Variants in LIPH observed in about 807,000 individuals in gnomAD.
LIPH encodes the protein lipase member H.
In LIPH, 32 loss-of-function variants were observed where a neutral mutation model predicts 47.6. The ratio of observed to expected loss-of-function variants is 0.67; its 90% CI spans 0.51 to 0.90. The LOEUF (loss-of-function observed/expected upper bound fraction) is 0.90. LIPH is among the 40% of genes least tolerant of loss of function. The pLI, the probability that LIPH is intolerant of heterozygous loss-of-function variation, is 0.00. For missense variants in LIPH, 497 were observed against 541.4 expected (o/e 0.92, Z 0.81); for synonymous variants, 190 against 195.6 (o/e 0.97, Z 0.24).
At chr3:185,531,231 G>A (rs1720320902) in intron 3 of LIPH, among the ~76,000 whole-genome samples, 1 of 152,156 alleles carries the variant, frequency 6.6e-6, no homozygotes, top group South Asian at 2.1e-4. Flanking sequence ...ATAAAATGGA[G>A]GTAGAATTAA....
rs58962402 is a variant in LIPH, at chr3:185,506,830, TAAAAAAAAAAAAAA to T, written c.*1946_*1959del. ...CTGGGTAACAGAAGGAGACTCCATC[TAAAAAAAAAAAAAA>T]AAAAAAAAAAAAAAAACCAGGGCCT... On this transcript the variant is annotated 3_prime_UTR_variant, in exon 10 of 10. Transcript: ENST00000296252. 3 of 50,100 alleles carry T rather than the reference TAAAAAAAAAAAAAA, an allele frequency of 6.0e-5. No individual in the cohort carries two copies. In the Admixed American group the frequency reaches 9.6e-4, roughly 16 times the overall value. 3.1% of individuals were successfully genotyped at this position (50,100 alleles called of 1,614,324 possible).
chr3:185,519,297 A>G lies in LIPH; in HGVS notation c.731T>C (p.Phe244Ser). Residue 244 changes from phenylalanine to serine, a missense_variant, in exon 6 of 10, where the codon TTT (phenylalanine) becomes TCT (serine). Phe to Ser is a radical substitution (Grantham distance 155). Transcript: ENST00000296252. Reference sequence around the variant, plus strand: ...TACAGACCTCTGGTGGTCACATTTAAAATACTGAAATCCTTGGTTGTAAAA... The same window carrying G: ...TACAGACCTCTGGTGGTCACATTTAGAATACTGAAATCCTTGGTTGTAAAA... The part of the protein sequence containing the change: ...PKTILGGFQY[F>S]KCDHQRSVYL... 2 of 1,612,270 alleles carry G rather than the reference A, an allele frequency of 1.2e-6. No individual in the cohort carries two copies. The highest frequency in any genetic ancestry group is 3.3e-5 in the Admixed American group (2 of 60,024).
At chr3:185,510,149 A>T (rs1159524440) in intron 9 of LIPH, among the ~76,000 whole-genome samples, 1 of 152,080 alleles carries the variant, frequency 6.6e-6, no homozygotes, top group African/African-American at 2.4e-5. Flanking sequence ...GGGTTTCACC[A>T]CATTGGCCAG....
Position 185,519,227 on chromosome 3 carries a change from C to T in LIPH, c.801G>A (p.Ala267=), listed in dbSNP as rs747799537. 4.1e-5 allele frequency: 66 copies of T among 1,612,304 alleles called. No individual in the cohort carries two copies. The highest frequency in any genetic ancestry group is 7.7e-5 in the South Asian group (7 of 91,052). Residue 267 remains alanine, a synonymous_variant, in exon 6 of 10, where the codon GCG becomes GCA. Coordinates refer to ENST00000296252, the MANE Select transcript of LIPH (RefSeq NM_139248.3). Reference sequence around the variant, plus strand: ...AATCCTGGTAGGAGTCACAGGGATACGCAGTGATGGTGCAGCTCTCTCTCA... The same window carrying T: ...AATCCTGGTAGGAGTCACAGGGATATGCAGTGATGGTGCAGCTCTCTCTCA... ...SSLRESCTIT[A]YPCDSYQDYR... is the part of the protein sequence containing the mutation.
At chr3:185,533,532 G>T in intron 3 of LIPH, 39 bp downstream of exon 3, 1 of 1,371,586 alleles carries the variant, frequency 7.3e-7, no homozygotes, top group Non-Finnish European at 1.0e-6. Context: ...TGAACACCCT[G>T]CCCAGGCTAC....
intron 9 of LIPH, among the ~76,000 whole-genome samples, chr3:185,510,783 C>T (rs533992952): frequency 3.3e-5 from 5 of 152,108 alleles, no homozygotes; most frequent in Non-Finnish European, 7.4e-5. Context: ...GGTGGACGTG[C>T]CTGTGGTCAA....
At position 185,533,523 on chromosome 3, in the gene LIPH, G is replaced by T. The variant is rs201525327; in HGVS notation, c.526+48C>A. The T allele has an allele frequency of 4.8e-6, 6 of 1,259,984 alleles. No individual in the cohort carries two copies. The East Asian group carries it at 1.2e-4, about 24-fold the overall frequency. 78.1% of individuals were successfully genotyped at this position (1,259,984 alleles called of 1,614,324 possible). A position where few individuals can be genotyped will look rare whatever the true frequency, so the allele number is the denominator to read the frequency against. On this transcript the variant is annotated intron_variant, in intron 3 of 9. Coordinates refer to ENST00000296252, the MANE Select transcript of LIPH (RefSeq NM_139248.3). ...TTGGCCTACATAATACTCCCCCAGT[G>T]AACACCCTGCCCAGGCTACCAACCC...
At chr3:185,546,373 T>C (rs1409591030) in intron 1 of LIPH, among the ~76,000 whole-genome samples, 1 of 131,338 alleles carries the variant, frequency 7.6e-6, no homozygotes, top group African/African-American at 2.8e-5. Flanking sequence ...AAAAAAAAAA[T>C]TCTAAAGCTG....
At position 185,506,522 on chromosome 3, in the gene LIPH, G is replaced by C. The variant is rs543816641; in HGVS notation, c.*2268C>G. The C allele has an allele frequency of 1.3e-5, 2 of 152,238 alleles. No homozygotes were observed. The highest frequency in any genetic ancestry group is 4.8e-5 in the African/African-American group (2 of 41,550). The allele number at this position is 152,238 out of a possible 1,614,324, so 9.4% of individuals were successfully genotyped here. On this transcript the variant is annotated 3_prime_UTR_variant, in exon 10 of 10. Coordinates refer to ENST00000296252, the MANE Select transcript of LIPH (RefSeq NM_139248.3). ...AAGAGAACAAAAAAGTGACTGTGCT[G>C]ATCAAAACACAGACCAATAAAACTA...
intron 6 of LIPH, among the ~76,000 whole-genome samples, chr3:185,518,506 T>C (rs1219208409): frequency 6.6e-6 from 1 of 151,888 alleles, no homozygotes; most frequent in African/African-American, 2.4e-5. Flanking sequence ...GGTCTCAAAC[T>C]CCTGACCTTG....
At chr3:185,520,258 C>T (rs1469547715) in intron 5 of LIPH, among the ~76,000 whole-genome samples, 18 of 152,118 alleles carry the variant, frequency 1.2e-4, no homozygotes, top group African/African-American at 3.4e-4. Context: ...TGGTGGCTCA[C>T]GCCTATAATC....
rs73175523 is a variant in LIPH at position 185,519,343 on chromosome 3, C to T, written c.719-34G>A. The T allele has an allele frequency of 2.2e-3, 3,274 of 1,457,220 alleles. 10 individuals carry two copies. The highest frequency in any genetic ancestry group is 2.9e-3 in the Non-Finnish European group (2,969 of 1,038,206). 90.3% of individuals were successfully genotyped at this position (1,457,220 alleles called of 1,614,324 possible). The stretch of plus-strand genomic sequence containing the variant: ...TAAAAGAAGTGATGAAAGAGTAGAG[C>T]GGTTGAAGCATTTAGTAATACTATA... On this transcript the variant is annotated intron_variant, in intron 5 of 9. Transcript: ENST00000296252.
In LIPH at chr3:185,508,855, G is replaced by C; in HGVS notation, c.1291C>G (p.Leu431Val). The change falls in exon 10 of 10, where the codon CTT becomes GTT. Residue 431 changes from leucine to valine, a missense_variant. By Grantham distance (32) the Leu-to-Val change is conservative. Transcript: ENST00000296252. Reference protein sequence around the residue: ...PERPQLCRYDLVLMENVETVF... With the variant: ...PERPQLCRYDVVLMENVETVF... The stretch of plus-strand genomic sequence containing the variant: ...GTTTCAACGTTTTCCATCAGGACAA[G>C]ATCATACCGACACAGCTGAGGCCTG... 2 of 1,613,286 alleles carry C rather than the reference G, an allele frequency of 1.2e-6. No homozygotes were observed. Among genetic ancestry groups the C allele is most frequent in the Non-Finnish European group, 1.7e-6 (2 of 1,179,274 alleles).
chr3:185,551,705 A>C lies in LIPH; in HGVS notation c.49+718T>G, dbSNP rs1317533036. 2.6e-5 allele frequency among the ~76,000 whole-genome samples: 4 copies of C among 152,290 alleles called. No homozygotes were observed. In the East Asian group the frequency reaches 7.7e-4, roughly 29 times the overall value. On this transcript the variant is annotated intron_variant, in intron 1 of 9. Transcript: ENST00000296252. ...TGAACATTTTTACAAGTCTTAATAT[A>C]TAACATATTTACCCTTTGCCCTTCA...
At chr3:185,527,689 C>A (rs1009018506) in intron 3 of LIPH, 104 bp from the exon 4 acceptor site, 1 of 759,688 alleles carries the variant, frequency 1.3e-6, no homozygotes, top group Non-Finnish European at 2.4e-6. Flanking sequence ...GCAGGGCACC[C>A]TCAGGTGGGT....
chr3:185,511,969 C>T lies in LIPH; in HGVS notation c.1095-272G>A, dbSNP rs12233604. 0.44 allele frequency among the ~76,000 whole-genome samples: 66,164 copies of T among 151,780 alleles called. 14,635 individuals carry two copies. Among genetic ancestry groups the T allele is most frequent in the Middle Eastern group, 0.47 (137 of 290 alleles). Reference sequence around the variant, plus strand: ...GACCCAAAATGACATTAGAGAGGCACGATGCTAATGACTGCCTAGTACACA... The same window carrying T: ...GACCCAAAATGACATTAGAGAGGCATGATGCTAATGACTGCCTAGTACACA... On this transcript the variant is annotated intron_variant, in intron 8 of 9. Transcript: ENST00000296252.
At chr3:185,522,597 AAAG>A (rs765470392) in intron 5 of LIPH, among the ~76,000 whole-genome samples, 50 of 151,128 alleles carry the variant, frequency 3.3e-4, no homozygotes, top group Middle Eastern at 3.4e-3. Context: ...GAGAGAGAAA[AAAG>A]AAGGAAGGGA....
rs2148943854 is a variant in LIPH, at chr3:185,507,943, G to A, written c.*847C>T. 1 of 152,310 alleles carries A rather than the reference G, an allele frequency of 6.6e-6. No homozygotes were observed. The highest frequency in any genetic ancestry group is 1.9e-4 in the East Asian group (1 of 5,170). 9.4% of individuals were successfully genotyped at this position (152,310 alleles called of 1,614,324 possible). ...CTTCTCCACCTTAGGTGAAAAATAA[G>A]CTCTGCTTTTCCTTCCCTTGCCTCA... is the stretch of plus-strand genomic sequence containing the variant. On this transcript the variant is annotated 3_prime_UTR_variant, in exon 10 of 10. Transcript: ENST00000296252.
chr3:185,539,320 T>C (rs1487152190), intron 1 of LIPH, among the ~76,000 whole-genome samples: 1 of 151,962 alleles, frequency 6.6e-6, no homozygotes, highest in East Asian at 1.9e-4. Context: ...ATTTGCCTAC[T>C]GTGTCTTTAT....
Sources: allele counts gnomAD v4.1 joint callset (sites outside exome capture counted in the v4.1 genomes callset), GRCh38; gene constraint gnomAD v4.1.1; transcripts MANE v1.5; gene names NCBI Gene and HGNC (gene_info 2026-07-23, HGNC 2026-07-21).